OSBPL1A: variants seen among roughly 807,000 people sequenced by gnomAD.
OSBPL1A encodes the protein oxysterol-binding protein-related protein 1.
A neutral mutation model predicts 137.1 loss-of-function variants in OSBPL1A; 80 were observed. That is an observed-to-expected ratio of 0.58 (90% CI 0.49 to 0.70). OSBPL1A has a LOEUF of 0.70. Ranked by LOEUF, OSBPL1A falls within the 30% of genes least tolerant of loss-of-function variation. The pLI, the probability that OSBPL1A is intolerant of heterozygous loss-of-function variation, is 0.00. For synonymous variants in OSBPL1A, 365 were observed against 389.7 expected, an observed-to-expected ratio of 0.94 and a Z score of 0.75; for missense variants, 970 against 1,129.4, an observed-to-expected ratio of 0.86 and a Z score of 2.02.
chr18:24,182,911 C>G (rs1423946533), intron 18 of OSBPL1A, among the ~76,000 whole-genome samples: 1 of 151,930 alleles, frequency 6.6e-6, no homozygotes, highest in African/African-American at 2.4e-5. Flanking sequence ...CTCTGTCACC[C>G]AGGCTGGAGT....
intron 4 of OSBPL1A, among the ~76,000 whole-genome samples, chr18:24,356,646 A>G (rs2091541172): frequency 1.3e-5 from 2 of 152,198 alleles, no homozygotes; most frequent in Admixed American, 6.5e-5. Context: ...TCACATTGCC[A>G]TCTTGGTCTA....
intron 7 of OSBPL1A, among the ~76,000 whole-genome samples, chr18:24,323,595 T>A (rs1263517798): frequency 6.2e-5 from 2 of 32,358 alleles, no homozygotes; most frequent in Non-Finnish European, 1.1e-4. Context: ...CATGTGCACA[T>A]TGTGCAGGTT....
intron 14 of OSBPL1A, 105 bp from the exon 15 acceptor site, chr18:24,281,053 A>G: frequency 1.6e-6 from 1 of 618,148 alleles, no homozygotes; most frequent in South Asian, 2.6e-5. Flanking sequence ...CTTTCCATCT[A>G]GCTATCTTAA....
intron 4 of OSBPL1A, among the ~76,000 whole-genome samples, chr18:24,361,856 C>T (rs9958042): frequency 0.22 from 32,639 of 151,732 alleles, 4,055 homozygotes; most frequent in East Asian, 0.51. Context: ...AAAATACACA[C>T]TATGGTGGCA....
chr18:24,194,721 C>T (rs1038217135), intron 18 of OSBPL1A, among the ~76,000 whole-genome samples: 1 of 152,234 alleles, frequency 6.6e-6, no homozygotes, highest in East Asian at 1.9e-4. Flanking sequence ...AATTATTTAT[C>T]GCTCAATACA....
chr18:24,349,646 T>C (rs2091403828), intron 4 of OSBPL1A, among the ~76,000 whole-genome samples: 2 of 150,218 alleles, frequency 1.3e-5, no homozygotes, highest in Admixed American at 1.3e-4. Context: ...ATGAGAAGTG[T>C]GAGTAAGTCC....
At chr18:24,351,347 C>CACAAAAAAAAAAAAAAA (rs2091435819) in intron 4 of OSBPL1A, among the ~76,000 whole-genome samples, 1 of 35,770 alleles carries the variant, frequency 2.8e-5, no homozygotes, top group Non-Finnish European at 5.2e-5. Context: ...GACTCTGTCT[C>CACAAAAAAAAAAAAAAA]AAAAAAAAAA....
At chr18:24,390,063 T>C (rs1345551121) in intron 1 of OSBPL1A, among the ~76,000 whole-genome samples, 1 of 152,190 alleles carries the variant, frequency 6.6e-6, no homozygotes, top group Non-Finnish European at 1.5e-5. Context: ...ACTGAAAATA[T>C]TTAACAATGT....
At chr18:24,319,564 A>G (rs541571519) in intron 7 of OSBPL1A, among the ~76,000 whole-genome samples, 1 of 152,208 alleles carries the variant, frequency 6.6e-6, no homozygotes, top group African/African-American at 2.4e-5. Flanking sequence ...AATTTTTCCA[A>G]CCTTACACAT....
intron 14 of OSBPL1A, among the ~76,000 whole-genome samples, chr18:24,290,876 A>G (rs1345875665): frequency 6.6e-6 from 1 of 152,082 alleles, no homozygotes; most frequent in Non-Finnish European, 1.5e-5. Context: ...GATGCAGGGA[A>G]GAAGGACACT....
At chr18:24,356,223 G>A (rs1282916295) in intron 4 of OSBPL1A, among the ~76,000 whole-genome samples, 3 of 152,026 alleles carry the variant, frequency 2.0e-5, no homozygotes, top group African/African-American at 7.2e-5. Flanking sequence ...TTCTGGACCT[G>A]AGTCAACTTT....
At chr18:24,351,224 C>A (rs1348479927) in intron 4 of OSBPL1A, among the ~76,000 whole-genome samples, 3 of 151,648 alleles carry the variant, frequency 2.0e-5, no homozygotes, top group Admixed American at 1.3e-4. Flanking sequence ...TGACACACAC[C>A]TGTAATCCCA....
At chr18:24,292,621 A>T (rs1318122373) in intron 14 of OSBPL1A, among the ~76,000 whole-genome samples, 3 of 152,144 alleles carry the variant, frequency 2.0e-5, no homozygotes, top group Non-Finnish European at 4.4e-5. Flanking sequence ...ACAGGTAAAA[A>T]TCCCTGCCCT....
chr18:24,227,531 A>G (rs1183023606), intron 16 of OSBPL1A, among the ~76,000 whole-genome samples: 1 of 152,232 alleles, frequency 6.6e-6, no homozygotes, highest in African/African-American at 2.4e-5. Flanking sequence ...CATGGGAGCA[A>G]TACAATGACA....
At chr18:24,197,312 ACT>A (rs1223126370) in intron 17 of OSBPL1A, among the ~76,000 whole-genome samples, 1 of 152,146 alleles carries the variant, frequency 6.6e-6, no homozygotes, top group African/African-American at 2.4e-5. Flanking sequence ...ACGCCATTGC[ACT>A]CCAGCCTGGG....
chr18:24,327,079 T>C (rs2588568), intron 7 of OSBPL1A, among the ~76,000 whole-genome samples: 64,897 of 150,814 alleles, frequency 0.43, 14,694 homozygotes, highest in Middle Eastern at 0.56. Context: ...TTCTATAATG[T>C]AAATGTTGCT....
chr18:24,331,490 G>A (rs551311889), intron 7 of OSBPL1A, among the ~76,000 whole-genome samples: 32 of 149,320 alleles, frequency 2.1e-4, no homozygotes, highest in African/African-American at 6.3e-4. Context: ...TCCGCCTCCC[G>A]GGTTCACGCC....
At chr18:24,304,693 C>T (rs2090467908) in intron 13 of OSBPL1A, among the ~76,000 whole-genome samples, 1 of 152,152 alleles carries the variant, frequency 6.6e-6, no homozygotes, top group Non-Finnish European at 1.5e-5. Context: ...ATCAAACTTA[C>T]TATAGATCAG....
chr18:24,303,823 C>T (rs2090448918), intron 13 of OSBPL1A, 105 bp from the exon 14 acceptor site: 1 of 855,480 alleles, frequency 1.2e-6, no homozygotes, highest in Non-Finnish European at 1.8e-6. Flanking sequence ...ATTGATATAC[C>T]ATAACAGAGA....
Sources: gnomAD v4.1 joint callset for allele counts (sites outside exome capture counted in the v4.1 genomes callset) on GRCh38, gnomAD v4.1.1 for gene constraint, MANE v1.5 for transcripts, NCBI Gene and HGNC (gene_info 2026-07-23, HGNC 2026-07-21) for gene names.